Variants in LRBA observed in about 807,000 individuals in gnomAD.
The protein encoded by LRBA is lipopolysaccharide-responsive and beige-like anchor protein.
In LRBA, 176 loss-of-function variants were observed where a neutral mutation model predicts 330.0. The observed-to-expected ratio is 0.53, with a 90% CI of 0.47 to 0.60. The LOEUF (loss-of-function observed/expected upper bound fraction) is 0.60. Among genes scored for constraint, LRBA ranks in the 20% least tolerant of loss-of-function variants. The pLI is 0.00. For synonymous variants in LRBA, 1,230 were observed against 1,193.0 expected, an observed-to-expected ratio of 1.03 and a Z score of -0.64; for missense variants, 3,259 against 3,444.8, an observed-to-expected ratio of 0.95 and a Z score of 1.35.
intron 30 of LRBA, among the ~76,000 whole-genome samples, chr4:150,818,923 A>G (rs533853569): frequency 1.3e-5 from 2 of 152,180 alleles, no homozygotes; most frequent in Admixed American, 6.6e-5. Context: ...AATTTCCTCA[A>G]GAAAGCTTAT....
chr4:150,435,858 T>C (rs1292439643), intron 45 of LRBA, 150 bp from the exon 46 acceptor site: 6 of 485,148 alleles, frequency 1.2e-5, no homozygotes, highest in Admixed American at 3.9e-5. Context: ...TCTAAATTAT[T>C]ACATTAATGT....
At chr4:150,854,658 G>A (rs1751012872) in intron 22 of LRBA, among the ~76,000 whole-genome samples, 1 of 152,222 alleles carries the variant, frequency 6.6e-6, no homozygotes, top group Non-Finnish European at 1.5e-5. Flanking sequence ...TAGTGTAACT[G>A]CAGTAGGCCT....
chr4:150,709,410 C>A (rs1239650266), intron 36 of LRBA, among the ~76,000 whole-genome samples: 1 of 151,870 alleles, frequency 6.6e-6, no homozygotes, highest in African/African-American at 2.4e-5. Context: ...GGATTGAAGA[C>A]CTAAAGCAAC....
At chr4:150,834,275 T>C (rs537914095) in intron 28 of LRBA, among the ~76,000 whole-genome samples, 1 of 152,304 alleles carries the variant, frequency 6.6e-6, no homozygotes, top group South Asian at 2.1e-4. Flanking sequence ...AGATTTTCCA[T>C]TTACTTTGCC....
chr4:150,413,879 C>A (rs1747358451), intron 47 of LRBA, among the ~76,000 whole-genome samples: 2 of 152,056 alleles, frequency 1.3e-5, no homozygotes, highest in Admixed American at 6.6e-5. Context: ...GGAAAAAAAA[C>A]CACACACGAC....
In LRBA at chr4:150,508,740, C is replaced by G. The variant is rs149276958; in HGVS notation, c.6331-17705G>C. ...ACACAAGAAGCAAAAACTGAGAGAA[C>G]TGAAAGAAGAAACACATGAACCCAC... On this transcript the variant is annotated intron_variant, in intron 40 of 56. Coordinates refer to ENST00000651943, the MANE Select transcript of LRBA (RefSeq NM_001364905.1). Among the ~76,000 whole-genome samples the G allele has an allele frequency of 9.2e-5, 14 of 152,188 alleles. No homozygotes were observed. In the East Asian group the frequency reaches 2.7e-3, roughly 29 times the overall value.
intron 53 of LRBA, among the ~76,000 whole-genome samples, chr4:150,290,352 T>C (rs1001716904): frequency 6.6e-6 from 1 of 152,184 alleles, no homozygotes; most frequent in Non-Finnish European, 1.5e-5. Context: ...AGTTAATTCT[T>C]CTGATAAAAA....
Position 150,282,625 on chromosome 4 carries a change from G to A in LRBA, c.8141C>T (p.Ser2714Phe). The change falls in exon 55 of 57, where the codon TCC becomes TTC. Residue 2714 changes from serine to phenylalanine, a missense_variant. By Grantham distance (155) the Ser-to-Phe change is radical. Coordinates refer to ENST00000651943, the MANE Select transcript of LRBA (RefSeq NM_001364905.1). ...GGTCCTCAACAAGTCTCCATTCATG[G>A]AATGTATGAGACATGGTCCTTCTGA... ...GSQEGPCLIH[S>F]MNGDLLRTLE... 6.2e-7 allele frequency: 1 copy of A among 1,611,132 alleles called. No homozygotes were observed. The highest frequency in any genetic ancestry group is 8.5e-7 in the Non-Finnish European group (1 of 1,178,280).
At chr4:150,521,089 ATAT>A (rs1286215908) in intron 40 of LRBA, among the ~76,000 whole-genome samples, 4 of 152,054 alleles carry the variant, frequency 2.6e-5, no homozygotes, top group African/African-American at 7.2e-5. Flanking sequence ...TTTTATTCCA[ATAT>A]TGGTAGTTCA....
intron 44 of LRBA, among the ~76,000 whole-genome samples, chr4:150,456,288 A>G (rs1754056609): frequency 6.6e-6 from 1 of 152,182 alleles, no homozygotes; most frequent in South Asian, 2.1e-4. Context: ...TGTTCCTACC[A>G]ACAGTGTACA....
At chr4:150,479,140 C>A (rs1288295561) in intron 42 of LRBA, among the ~76,000 whole-genome samples, 1 of 151,896 alleles carries the variant, frequency 6.6e-6, no homozygotes, top group South Asian at 2.1e-4. Context: ...ATTAGCCAGG[C>A]GTGGTATCAT....
chr4:150,809,889 CG>C (rs1235897071), intron 31 of LRBA, among the ~76,000 whole-genome samples: 3 of 148,800 alleles, frequency 2.0e-5, no homozygotes, highest in Non-Finnish European at 4.4e-5. Context: ...CGATACGATA[CG>C]ATACGATACG....
chr4:150,799,078 G>A (rs1178747155), intron 33 of LRBA, among the ~76,000 whole-genome samples: 12 of 151,812 alleles, frequency 7.9e-5, no homozygotes, highest in South Asian at 2.1e-4. Flanking sequence ...CTCCTTCCCC[G>A]TTTAAATACG....
At chr4:150,499,519 A>T (rs1281430383) in intron 40 of LRBA, among the ~76,000 whole-genome samples, 1 of 152,132 alleles carries the variant, frequency 6.6e-6, no homozygotes, top group Non-Finnish European at 1.5e-5. Flanking sequence ...ATGTGCCTGT[A>T]GTTCCGGCTA....
chr4:150,408,166 G>GA (rs35306036), intron 47 of LRBA, among the ~76,000 whole-genome samples: 23,093 of 151,658 alleles, frequency 0.15, 1,767 homozygotes, highest in Middle Eastern at 0.17. Flanking sequence ...GACTGAGCCA[G>GA]AAAAAAAGAT....
chr4:150,662,040 G>T (rs1781165422), intron 37 of LRBA, among the ~76,000 whole-genome samples: 1 of 152,014 alleles, frequency 6.6e-6, no homozygotes, highest in South Asian at 2.1e-4. Flanking sequence ...TAATTTCTGG[G>T]ATGTTTGTAT....
At chr4:150,803,840 T>G (rs963293189) in intron 33 of LRBA, among the ~76,000 whole-genome samples, 2 of 152,174 alleles carry the variant, frequency 1.3e-5, no homozygotes, top group Admixed American at 6.5e-5. Context: ...TTACCAAAAT[T>G]TATTGGTAAA....
intron 37 of LRBA, among the ~76,000 whole-genome samples, chr4:150,648,926 A>T (rs1188807284): frequency 6.6e-6 from 1 of 152,100 alleles, no homozygotes; most frequent in African/African-American, 2.4e-5. Flanking sequence ...TCACTCACTC[A>T]TTCCCTAAAC....
At chr4:150,636,292 A>C (rs1217425024) in intron 37 of LRBA, among the ~76,000 whole-genome samples, 1 of 150,722 alleles carries the variant, frequency 6.6e-6, no homozygotes, top group African/African-American at 2.4e-5. Flanking sequence ...ATTTATTTAT[A>C]TTAGTATGAT....
Sources: allele counts gnomAD v4.1 joint callset (sites outside exome capture counted in the v4.1 genomes callset), GRCh38; gene constraint gnomAD v4.1.1; transcripts MANE v1.5; gene names NCBI Gene and HGNC (gene_info 2026-07-23, HGNC 2026-07-21).